Variants in DGKB observed in about 807,000 individuals in gnomAD.
The protein encoded by DGKB is diacylglycerol kinase beta.
In DGKB, 67 loss-of-function variants were observed where a neutral mutation model predicts 114.3. The observed-to-expected ratio is 0.59, with a 90% confidence interval of 0.48 to 0.72. DGKB has a LOEUF of 0.72. DGKB is among the 30% of genes least tolerant of loss of function. The pLI is 0.00. For missense variants in DGKB, 907 were observed against 975.2 expected (o/e 0.93, Z 0.93); for synonymous variants, 398 against 323.1 (o/e 1.23, Z -2.49).
chr7:14,625,298 A>T (rs1388782439), intron 14 of DGKB, among the ~76,000 whole-genome samples: 20 of 152,142 alleles, frequency 1.3e-4, no homozygotes, highest in Admixed American at 1.3e-3. Context: ...AAATCTTAAA[A>T]ACAGGAGAGC....
At chr7:14,510,425 C>A (rs1484883218) in intron 20 of DGKB, among the ~76,000 whole-genome samples, 2 of 152,106 alleles carry the variant, frequency 1.3e-5, no homozygotes, top group Non-Finnish European at 2.9e-5. Flanking sequence ...TTGGCTCATC[C>A]ATAAGAACCA....
chr7:14,473,493 G>A (rs938457732), intron 21 of DGKB, among the ~76,000 whole-genome samples: 3 of 152,192 alleles, frequency 2.0e-5, no homozygotes, highest in Admixed American at 6.5e-5. Flanking sequence ...AATGAGGAAG[G>A]GAAATGTGGG....
intron 23 of DGKB, among the ~76,000 whole-genome samples, chr7:14,181,154 T>G (rs926106516): frequency 6.6e-6 from 1 of 152,204 alleles, no homozygotes; most frequent in Non-Finnish European, 1.5e-5. Context: ...CCACATTCAC[T>G]GGTTTAGGTC....
At chr7:14,905,502 T>G (rs1346132328), upstream of DGKB, among the ~76,000 whole-genome samples, 1 of 152,162 alleles carries the variant, frequency 6.6e-6, no homozygotes, top group African/African-American at 2.4e-5. Flanking sequence ...AGAAACTTCA[T>G]GGGAATCTGT....
intron 20 of DGKB, among the ~76,000 whole-genome samples, chr7:14,550,790 T>C (rs1246645106): frequency 1.3e-5 from 2 of 151,978 alleles, no homozygotes. Context: ...CAAATATAAA[T>C]CAAACTAATA....
At chr7:14,604,158 C>T (rs967578016) in intron 17 of DGKB, among the ~76,000 whole-genome samples, 26 of 152,094 alleles carry the variant, frequency 1.7e-4, no homozygotes, top group African/African-American at 6.0e-4. Context: ...TTGAAAGAGA[C>T]TATTGTTTCA....
chr7:14,661,897 C>A (rs1817171212), intron 13 of DGKB, among the ~76,000 whole-genome samples: 1 of 152,076 alleles, frequency 6.6e-6, no homozygotes, highest in African/African-American at 2.4e-5. Flanking sequence ...GAGTTCACGT[C>A]CTTTGTAGGG....
intron 1 of DGKB, among the ~76,000 whole-genome samples, chr7:14,920,585 G>A (rs1196604800): frequency 6.6e-6 from 1 of 152,254 alleles, no homozygotes; most frequent in East Asian, 1.9e-4. Context: ...AAGACAGTTT[G>A]GCAGTTTCTT....
At chr7:14,684,474 T>C (rs376202940) in intron 10 of DGKB, among the ~76,000 whole-genome samples, 75 of 152,186 alleles carry the variant, frequency 4.9e-4, no homozygotes, top group African/African-American at 1.8e-3. Flanking sequence ...ATATCTACCC[T>C]TTTTTATCAG....
At chr7:14,614,602 A>AT (rs1806185617) in intron 15 of DGKB, among the ~76,000 whole-genome samples, 1 of 152,108 alleles carries the variant, frequency 6.6e-6, no homozygotes, top group African/African-American at 2.4e-5. Context: ...GTTTAACAAT[A>AT]TAAGTTAAAA....
At chr7:14,474,798 G>T (rs1781928196) in intron 21 of DGKB, among the ~76,000 whole-genome samples, 1 of 150,040 alleles carries the variant, frequency 6.7e-6, no homozygotes. Context: ...GTAATAAATA[G>T]TTTAAAATTC....
At chr7:14,683,604 T>C (rs1306199118) in intron 10 of DGKB, among the ~76,000 whole-genome samples, 4 of 152,114 alleles carry the variant, frequency 2.6e-5, no homozygotes, top group South Asian at 2.1e-4. Context: ...TGTGTTCTTT[T>C]AATAAAATGT....
chr7:14,811,740 C>CAAA (rs1843462154), intron 2 of DGKB, among the ~76,000 whole-genome samples: 1 of 151,818 alleles, frequency 6.6e-6, no homozygotes. Context: ...AAAAATTGGG[C>CAAA]TATCCCTTAT....
At chr7:14,260,794 A>C (rs1796661879) in intron 23 of DGKB, among the ~76,000 whole-genome samples, 1 of 152,178 alleles carries the variant, frequency 6.6e-6, no homozygotes, top group Admixed American at 6.5e-5. Flanking sequence ...CTGCTCACCA[A>C]AATGTTAACA....
intron 2 of DGKB, among the ~76,000 whole-genome samples, chr7:14,818,980 T>C (rs1844538618): frequency 6.6e-6 from 1 of 152,192 alleles, no homozygotes; most frequent in Non-Finnish European, 1.5e-5. Flanking sequence ...TATTTAGTTA[T>C]TGATTATGGA....
At chr7:14,853,890 AAAATT>A (rs1849749580) in intron 1 of DGKB, among the ~76,000 whole-genome samples, 1 of 133,104 alleles carries the variant, frequency 7.5e-6, no homozygotes, top group Non-Finnish European at 1.6e-5. Context: ...AAAAAAAAAA[AAAATT>A]TATCATAAAA....
intron 10 of DGKB, among the ~76,000 whole-genome samples, chr7:14,684,732 A>G (rs1821384166): frequency 6.6e-6 from 1 of 152,184 alleles, no homozygotes; most frequent in Admixed American, 6.5e-5. Context: ...TCTTTCTGTT[A>G]GCATTGAAAA....
chr7:14,919,762 A>G (rs1057364109), intron 1 of DGKB, among the ~76,000 whole-genome samples: 1 of 152,144 alleles, frequency 6.6e-6, no homozygotes, highest in African/African-American at 2.4e-5. Flanking sequence ...TCTCTCATGA[A>G]TGGCTTGGTG....
At chr7:14,622,145 C>T (rs1807778341) in intron 14 of DGKB, among the ~76,000 whole-genome samples, 1 of 152,146 alleles carries the variant, frequency 6.6e-6, no homozygotes, top group Admixed American at 6.6e-5. Flanking sequence ...CTCAGTTTCA[C>T]ATCTAATGAT....
Sources: gnomAD v4.1 joint callset for allele counts (sites outside exome capture counted in the v4.1 genomes callset) on GRCh38, gnomAD v4.1.1 for gene constraint, MANE v1.5 for transcripts, NCBI Gene and HGNC (gene_info 2026-07-23, HGNC 2026-07-21) for gene names.